PLEKHA3: variants seen among roughly 807,000 people sequenced by gnomAD.
PLEKHA3 encodes pleckstrin homology domain-containing family A member 3.
A neutral mutation model predicts 39.2 loss-of-function variants in PLEKHA3; 19 were observed. The ratio of observed to expected loss-of-function variants is 0.48; its 90% CI spans 0.34 to 0.71. The LOEUF (loss-of-function observed/expected upper bound fraction) is 0.71. Among genes scored for constraint, PLEKHA3 ranks in the 30% least tolerant of loss-of-function variants. The pLI is 0.01. For missense variants in PLEKHA3, 253 were observed against 359.5 expected (o/e 0.70, Z 2.40); for synonymous variants, 97 against 118.6 (o/e 0.82, Z 1.18).
At chr2:178,502,441 G>T in intron 7 of PLEKHA3, 8 of 343,748 alleles carry the variant, frequency 2.3e-5, no homozygotes, top group Non-Finnish European at 3.5e-5. Flanking sequence ...GAGAGGAGGA[G>T]GGTTAAAGAG....
chr2:178,489,001 A>G (rs1685302425), intron 2 of PLEKHA3: 2 of 451,952 alleles, frequency 4.4e-6, no homozygotes, highest in South Asian at 3.3e-5. Context: ...CCTTGATTGG[A>G]TGCATAAATT....
Position 178,480,890 on chromosome 2 carries a change from G to A in PLEKHA3, c.21G>A (p.Lys7=). ...GAAGCATGGAGGGGGTGTTGTACAAGTGGACCAACTATCTCACAGGTATGG... is the reference window on the plus strand; with the variant it reads ...GAAGCATGGAGGGGGTGTTGTACAAATGGACCAACTATCTCACAGGTATGG... MEGVLY[K]WTNYLTGWQP... is the part of the protein sequence containing the mutation. Residue 7 remains lysine (K), a synonymous_variant, in exon 1 of 8, where the codon AAG becomes AAA. Coordinates refer to ENST00000234453, the MANE Select transcript of PLEKHA3 (RefSeq NM_019091.4). 3 of 1,314,772 alleles carry A rather than the reference G, an allele frequency of 2.3e-6. No individual in the cohort carries two copies. Among genetic ancestry groups the A allele is most frequent in the Non-Finnish European group, 2.9e-6 (3 of 1,022,746 alleles). The allele number at this position is 1,314,772 out of a possible 1,614,324, so 81.4% of individuals were successfully genotyped here. A position where few individuals can be genotyped will look rare whatever the true frequency, so the allele number is the denominator to read the frequency against.
At chr2:178,499,375 C>A (rs1023591651) in intron 6 of PLEKHA3, 121 bp downstream of exon 6, 32 of 879,746 alleles carry the variant, frequency 3.6e-5, no homozygotes, top group Admixed American at 2.3e-4. Flanking sequence ...TGGTTCAAAA[C>A]CAGCATTTTA....
intron 3 of PLEKHA3, among the ~76,000 whole-genome samples, chr2:178,491,851 G>A (rs1227231930): frequency 1.3e-5 from 2 of 152,084 alleles, no homozygotes; most frequent in African/African-American, 2.4e-5. Context: ...ATAGCATGGC[G>A]GAGGAAGCAA....
At position 178,509,149 on chromosome 2, in the gene PLEKHA3, G is replaced by A. The variant is rs530125966; in HGVS notation, c.*5262G>A. ...GCTTTGTCGTCTGTGCTTTTTTGTG[G>A]ATTAATACTATTTATATTCCTTTAA... On this transcript the variant is annotated 3_prime_UTR_variant, in exon 8 of 8. Coordinates refer to ENST00000234453, the MANE Select transcript of PLEKHA3 (RefSeq NM_019091.4). 25 of 152,376 alleles carry A rather than the reference G, an allele frequency of 1.6e-4. No individual in the cohort carries two copies. Among genetic ancestry groups the A allele is most frequent in the Admixed American group, 5.9e-4 (9 of 15,284 alleles). The allele number at this position is 152,376 out of a possible 1,614,324, so 9.4% of individuals were successfully genotyped here. A position where few individuals can be genotyped will look rare whatever the true frequency, so the allele number is the denominator to read the frequency against.
intron 2 of PLEKHA3, among the ~76,000 whole-genome samples, chr2:178,487,907 T>C (rs1685276868): frequency 6.6e-6 from 1 of 152,234 alleles, no homozygotes; most frequent in African/African-American, 2.4e-5. Context: ...TGTAGTGGTA[T>C]CTCATGGTGG....
intron 7 of PLEKHA3, 148 bp downstream of exon 7, chr2:178,501,324 A>G (rs531276098): frequency 1.4e-5 from 9 of 622,892 alleles, no homozygotes; most frequent in South Asian, 4.2e-5. Flanking sequence ...ACAGCGCTCA[A>G]TCAATGAAAG....
intron 1 of PLEKHA3, among the ~76,000 whole-genome samples, chr2:178,482,379 A>G (rs1198301345): frequency 1.3e-5 from 2 of 151,932 alleles, no homozygotes; most frequent in East Asian, 3.9e-4. Context: ...AAACAAAAAC[A>G]AAAACAAAAA....
chr2:178,491,010 CTTT>C (rs1204723389), intron 3 of PLEKHA3, among the ~76,000 whole-genome samples, 196 bp downstream of exon 3: 3 of 129,522 alleles, frequency 2.3e-5, no homozygotes, highest in Admixed American at 8.0e-5. Flanking sequence ...CTCTTTCTTT[CTTT>C]TTTTTTTTTT....
rs908654434 is a variant in PLEKHA3, at chr2:178,516,371, A to G, written c.*12484A>G. On this transcript the variant is annotated 3_prime_UTR_variant, in exon 8 of 8. Coordinates refer to ENST00000234453, the MANE Select transcript of PLEKHA3 (RefSeq NM_019091.4). ...TATTTTTTTCTTTTCCAAATTCCAA[A>G]AGGTGTATACTCTATATTTTTGTCA... 2 of 152,180 alleles carry G rather than the reference A, an allele frequency of 1.3e-5. No homozygotes were observed. The highest frequency in any genetic ancestry group is 3.8e-4 in the East Asian group (2 of 5,200). The allele number at this position is 152,180 out of a possible 1,614,324, so 9.4% of individuals were successfully genotyped here. A position where few individuals can be genotyped will look rare whatever the true frequency, so the allele number is the denominator to read the frequency against.
intron 2 of PLEKHA3, among the ~76,000 whole-genome samples, chr2:178,488,547 T>A (rs1685293158): frequency 1.3e-5 from 2 of 152,260 alleles, no homozygotes; most frequent in Admixed American, 1.3e-4. Flanking sequence ...AGACTGTCTA[T>A]TCTGTTCTGT....
intron 2 of PLEKHA3, among the ~76,000 whole-genome samples, chr2:178,489,303 G>A (rs1685305900): frequency 6.6e-6 from 1 of 152,090 alleles, no homozygotes; most frequent in Non-Finnish European, 1.5e-5. Context: ...GCACTTACTT[G>A]CCATAATACA....
intron 2 of PLEKHA3, among the ~76,000 whole-genome samples, chr2:178,489,663 C>T (rs1376590768): frequency 6.6e-6 from 1 of 151,968 alleles, no homozygotes; most frequent in Non-Finnish European, 1.5e-5. Flanking sequence ...TATTACTTTG[C>T]ATTACAATGG....
chr2:178,480,982 TTCC>T, intron 1 of PLEKHA3, 73 bp downstream of exon 1: 3 of 1,254,402 alleles, frequency 2.4e-6, no homozygotes, highest in Admixed American at 6.2e-5. Flanking sequence ...GGGGCTCCTC[TTCC>T]TCCGTCTGGC....
At chr2:178,487,635 C>T (rs73036330) in intron 2 of PLEKHA3, among the ~76,000 whole-genome samples, 2 of 152,014 alleles carry the variant, frequency 1.3e-5, no homozygotes, top group Non-Finnish European at 2.9e-5. Context: ...GATGGGATTT[C>T]ACCGTGTTGC....
intron 7 of PLEKHA3, among the ~76,000 whole-genome samples, chr2:178,502,174 T>C (rs956634524): frequency 2.0e-5 from 3 of 151,818 alleles, no homozygotes; most frequent in Non-Finnish European, 2.9e-5. Context: ...TTCATACATA[T>C]GGCAATTTTA....
chr2:178,480,605 T>G lies in PLEKHA3; in HGVS notation c.-265T>G. 1.4e-5 allele frequency: 4 copies of G among 281,382 alleles called. No homozygotes were observed. Among genetic ancestry groups the G allele is most frequent in the Middle Eastern group, 1.0e-3 (1 of 966 alleles). The allele number at this position is 281,382 out of a possible 1,614,324, so 17.4% of individuals were successfully genotyped here. On this transcript the variant is annotated 5_prime_UTR_variant, in exon 1 of 8. Transcript: ENST00000234453. ...GAGCAGGAGGCCGGTCGCGGGCGCA[T>G]TTTTGCCGTTGTCGCGGCCGCCGCC...
intron 6 of PLEKHA3, among the ~76,000 whole-genome samples, chr2:178,500,836 C>T (rs1283795441): frequency 6.6e-6 from 1 of 152,082 alleles, no homozygotes; most frequent in Non-Finnish European, 1.5e-5. Context: ...TCATTGTACC[C>T]CTCTTCCTTT....
At chr2:178,498,697 T>C (rs1685483760) in intron 5 of PLEKHA3, among the ~76,000 whole-genome samples, 1 of 152,168 alleles carries the variant, frequency 6.6e-6, no homozygotes, top group South Asian at 2.1e-4. Flanking sequence ...CTTTAAAGTC[T>C]TGAATTATTA....
Sources: allele counts gnomAD v4.1 joint callset (sites outside exome capture counted in the v4.1 genomes callset), GRCh38; gene constraint gnomAD v4.1.1; transcripts MANE v1.5; gene names NCBI Gene and HGNC (gene_info 2026-07-23, HGNC 2026-07-21).